The following FHOD3 variants were observed in gnomAD, a reference collection of about 807,000 sequenced individuals.
FHOD3 encodes the protein formin homology 2 domain containing 3, also known as FH1/FH2 domain-containing protein 3.
FHOD3 carries 90 observed loss-of-function variants against 173.0 expected under a neutral mutation model. The observed-to-expected ratio is 0.52, with a 90% confidence interval of 0.44 to 0.62. The LOEUF (loss-of-function observed/expected upper bound fraction) is 0.62, where lower values mean the gene tolerates loss of function less well. Among genes scored for constraint, FHOD3 ranks in the 20% least tolerant of loss-of-function variants. The probability of loss-of-function intolerance (pLI) is 0.00; values close to 1 mark genes in which losing one functional copy is unlikely to be tolerated. For synonymous variants in FHOD3, 828 were observed against 823.0 expected (o/e 1.01, Z -0.10); for missense variants, 1,945 against 2,034.7 (o/e 0.96, Z 0.85).
At chr18:36,507,079 A>G (rs555027442) in intron 4 of FHOD3, among the ~76,000 whole-genome samples, 2 of 151,864 alleles carry the variant, frequency 1.3e-5, no homozygotes, top group South Asian at 2.1e-4. Flanking sequence ...ATGCTTTTTC[A>G]TTGTATAAAT....
chr18:36,584,140 G>A (rs2058948394), intron 6 of FHOD3, among the ~76,000 whole-genome samples: 1 of 151,570 alleles, frequency 6.6e-6, no homozygotes. Context: ...AGTTTTTCCT[G>A]CTGCTTTGTA....
At chr18:36,531,814 G>A (rs1321606941) in intron 5 of FHOD3, among the ~76,000 whole-genome samples, 1 of 152,220 alleles carries the variant, frequency 6.6e-6, no homozygotes, top group East Asian at 1.9e-4. Context: ...CTCGGAGGCA[G>A]GATGCTTGAC....
At chr18:36,441,630 C>T (rs893696499) in intron 3 of FHOD3, among the ~76,000 whole-genome samples, 1 of 152,146 alleles carries the variant, frequency 6.6e-6, no homozygotes, top group African/African-American at 2.4e-5. Context: ...TATTTTTAAG[C>T]TTATGATAGA....
intron 3 of FHOD3, among the ~76,000 whole-genome samples, chr18:36,461,644 T>G (rs2052565620): frequency 6.6e-6 from 1 of 152,170 alleles, no homozygotes; most frequent in South Asian, 2.1e-4. Context: ...TTTTGTGGGC[T>G]AGCCTGGGAA....
At chr18:36,405,098 G>A (rs1485749483) in intron 3 of FHOD3, among the ~76,000 whole-genome samples, 1 of 152,222 alleles carries the variant, frequency 6.6e-6, no homozygotes, top group Admixed American at 6.5e-5. Context: ...CTTGCTCTGT[G>A]TGAAGGCTTT....
chr18:36,498,669 C>A (rs1322697244), intron 3 of FHOD3, among the ~76,000 whole-genome samples: 1 of 152,148 alleles, frequency 6.6e-6, no homozygotes, highest in Admixed American at 6.5e-5. Context: ...AAAGTCTATA[C>A]AAATCCCTTC....
Position 36,492,898 on chromosome 18 carries a change from G to A in FHOD3, c.338-9034G>A, listed in dbSNP as rs138416491. On this transcript the variant is annotated intron_variant, in intron 3 of 28. Coordinates refer to ENST00000590592, the MANE Select transcript of FHOD3 (RefSeq NM_001281740.3). ...CATAAATGTCATGGCTAGGATGTGA[G>A]TGAGTTTCAGTGGCTCAGTTGTTTA... Among the ~76,000 whole-genome samples, 7 of 152,346 alleles carry A rather than the reference G, an allele frequency of 4.6e-5. No individual in the cohort carries two copies. The East Asian group carries it at 1.3e-3, about 29-fold the overall frequency.
At chr18:36,682,338 T>C (rs1239961786) in intron 15 of FHOD3, among the ~76,000 whole-genome samples, 1 of 152,160 alleles carries the variant, frequency 6.6e-6, no homozygotes, top group East Asian at 1.9e-4. Context: ...TATATCCTTT[T>C]TCCCTTTTCC....
At chr18:36,599,974 G>T (rs1284420599) in intron 7 of FHOD3, among the ~76,000 whole-genome samples, 1 of 151,704 alleles carries the variant, frequency 6.6e-6, no homozygotes, top group South Asian at 2.1e-4. Context: ...GTGGGGGTGG[G>T]GGGCAGTGGA....
intron 5 of FHOD3, among the ~76,000 whole-genome samples, chr18:36,528,549 A>C (rs1221777455): frequency 1.3e-5 from 2 of 152,160 alleles, no homozygotes; most frequent in Non-Finnish European, 2.9e-5. Context: ...CAAGGTGACA[A>C]CCTGGATACA....
intron 3 of FHOD3, among the ~76,000 whole-genome samples, chr18:36,412,903 G>A (rs2049431003): frequency 6.6e-6 from 1 of 152,208 alleles, no homozygotes; most frequent in South Asian, 2.1e-4. Flanking sequence ...AGCTCACAGA[G>A]GTCATATTGT....
intron 17 of FHOD3, among the ~76,000 whole-genome samples, chr18:36,706,360 A>G (rs1158612446): frequency 2.0e-5 from 3 of 152,204 alleles, no homozygotes; most frequent in Non-Finnish European, 4.4e-5. Context: ...TATTCTGGGC[A>G]GGAGATGACT....
intron 14 of FHOD3, among the ~76,000 whole-genome samples, chr18:36,660,272 CAAAACA>C (rs1568565477): frequency 6.6e-6 from 1 of 151,982 alleles, no homozygotes; most frequent in African/African-American, 2.4e-5. Flanking sequence ...GTCTCAAAAA[CAAAACA>C]AAAACAAAAA....
Position 36,349,247 on chromosome 18 carries a change from G to A in FHOD3, c.166-6292G>A, listed in dbSNP as rs117867031. On this transcript the variant is annotated intron_variant, in intron 1 of 28. Coordinates refer to ENST00000590592, the MANE Select transcript of FHOD3 (RefSeq NM_001281740.3). ...GTAACCCCAACATCTTCAGATAGAG[G>A]CAGAGCTCCAAGAGCAGCAAGAGAG... 3.2e-3 allele frequency among the ~76,000 whole-genome samples: 486 copies of A among 152,304 alleles called. 3 individuals carry two copies. The highest frequency in any genetic ancestry group is 5.1e-3 in the Non-Finnish European group (346 of 68,024).
rs1477691466 is a variant in FHOD3 at position 36,576,013 on chromosome 18, A to G, written c.512-438A>G. On this transcript the variant is annotated intron_variant, in intron 5 of 28. Coordinates refer to ENST00000590592, the MANE Select transcript of FHOD3 (RefSeq NM_001281740.3). ...GGATTAACCCAGGATGATCCCACAG[A>G]ATCTAAGACTTGCTGACCACAGACT... is the stretch of plus-strand genomic sequence containing the variant. Among the ~76,000 whole-genome samples the G allele has an allele frequency of 2.0e-5, 3 of 152,208 alleles. 1 individual carries two copies. The highest frequency in any genetic ancestry group is 2.0e-4 in the Admixed American group (3 of 15,280).
In FHOD3 at chr18:36,581,559, T is replaced by G. The variant is rs150021220; in HGVS notation, c.606+5014T>G. Among the ~76,000 whole-genome samples, 947 of 152,330 alleles carry G rather than the reference T, an allele frequency of 6.2e-3. 5 individuals carry two copies. The highest frequency in any genetic ancestry group is 0.011 in the Non-Finnish European group (715 of 68,024). Reference sequence around the variant, plus strand: ...ATCTCATCCTTCCATCTGTGCCCCATATTGCTGATCACAGGTCTCCAGACT... The same window carrying G: ...ATCTCATCCTTCCATCTGTGCCCCAGATTGCTGATCACAGGTCTCCAGACT... On this transcript the variant is annotated intron_variant, in intron 6 of 28. Transcript: ENST00000590592.
intron 20 of FHOD3, 77 bp from the exon 21 acceptor site, chr18:36,740,579 T>C (rs2041854715): frequency 3.8e-6 from 5 of 1,323,892 alleles, no homozygotes; most frequent in East Asian, 2.5e-5. Flanking sequence ...AATTATAATA[T>C]GAATTTTATA....
intron 3 of FHOD3, among the ~76,000 whole-genome samples, chr18:36,439,962 G>A (rs1032939472): frequency 6.6e-6 from 1 of 152,148 alleles, no homozygotes. Context: ...AGATTTAAAT[G>A]TGAATCGTTT....
At chr18:36,651,307 A>G (rs2644266) in intron 11 of FHOD3, among the ~76,000 whole-genome samples, 43,163 of 152,076 alleles carry the variant, frequency 0.28, 6,427 homozygotes, top group South Asian at 0.42. Flanking sequence ...CTGGGAGTCA[A>G]TTTCTCTGAG....
Sources: gnomAD v4.1 joint callset for allele counts (sites outside exome capture counted in the v4.1 genomes callset) on GRCh38, gnomAD v4.1.1 for gene constraint, MANE v1.5 for transcripts, NCBI Gene and HGNC (gene_info 2026-07-23, HGNC 2026-07-21) for gene names.